Variants in SBF2 observed in about 807,000 individuals in gnomAD.
The protein encoded by SBF2 is SET binding factor 2.
In SBF2, 112 loss-of-function variants were observed where a neutral mutation model predicts 225.2. The observed-to-expected ratio is 0.50, with a 90% CI of 0.43 to 0.58. The LOEUF (loss-of-function observed/expected upper bound fraction) is 0.58, where lower values mean the gene tolerates loss of function less well. SBF2 is among the 20% of genes least tolerant of loss of function. SBF2 has a pLI of 0.00. For synonymous variants in SBF2, 763 were observed against 773.3 expected (o/e 0.99, Z 0.22); for missense variants, 1,996 against 2,206.2 (o/e 0.90, Z 1.91).
chr11:9,925,381 G>T (rs981388706), intron 16 of SBF2, among the ~76,000 whole-genome samples: 1 of 151,980 alleles, frequency 6.6e-6, no homozygotes, highest in African/African-American at 2.4e-5. Flanking sequence ...GGCTTCAAGC[G>T]ATTTTCCTGC....
At chr11:9,797,392 A>C (rs561440080) in intron 32 of SBF2, among the ~76,000 whole-genome samples, 11 of 152,330 alleles carry the variant, frequency 7.2e-5, no homozygotes, top group Admixed American at 7.2e-4. Flanking sequence ...TGTAAAATAA[A>C]ATGGATTTTA....
chr11:10,279,919 G>A (rs1045246801), intron 1 of SBF2, among the ~76,000 whole-genome samples: 2 of 151,870 alleles, frequency 1.3e-5, no homozygotes, highest in Admixed American at 1.3e-4. Flanking sequence ...AAAGTGCTGG[G>A]ATTACAGGCG....
intron 13 of SBF2, among the ~76,000 whole-genome samples, chr11:9,969,551 G>T (rs1436823910): frequency 6.6e-6 from 1 of 152,094 alleles, no homozygotes; most frequent in East Asian, 1.9e-4. Flanking sequence ...AGAACTTCTT[G>T]TTCCTGACTC....
intron 8 of SBF2, among the ~76,000 whole-genome samples, chr11:9,999,982 C>T (rs1460233766): frequency 7.9e-5 from 12 of 152,186 alleles, no homozygotes; most frequent in Non-Finnish European, 1.2e-4. Flanking sequence ...CCTAACTTTA[C>T]AGTGAAGAAT....
rs2134472414 is a variant in SBF2, at chr11:9,993,092, C to T, written c.1065G>A (p.Val355=). 6.2e-7 allele frequency: 1 copy of T among 1,608,996 alleles called. No homozygotes were observed. The highest frequency in any genetic ancestry group is 1.7e-4 in the Middle Eastern group (1 of 6,052). Residue 355 remains valine, a synonymous_variant, in exon 11 of 40, where the codon GTG becomes GTA. Coordinates refer to ENST00000256190, the MANE Select transcript of SBF2 (RefSeq NM_030962.4). ...CAAATAATCTAAGGAAAACGGCTCG[C>T]ACCTCTTTATCCTAAAAATATAAGA... is the stretch of plus-strand genomic sequence containing the variant. The part of the protein sequence containing the change: ...LSHSKMLDKE[V]RAVFLRLFAQ...
At chr11:10,055,074 G>A (rs1950203723) in intron 2 of SBF2, among the ~76,000 whole-genome samples, 1 of 151,904 alleles carries the variant, frequency 6.6e-6, no homozygotes, top group African/African-American at 2.4e-5. Context: ...GTTAATTTTC[G>A]TATTTTTAGT....
chr11:9,896,347 A>T (rs1331364449), intron 16 of SBF2, among the ~76,000 whole-genome samples: 5 of 151,662 alleles, frequency 3.3e-5, no homozygotes, highest in Admixed American at 3.3e-4. Flanking sequence ...ACTTACACAA[A>T]TTTTTTTTTG....
chr11:10,107,080 T>C (rs1952591684), intron 2 of SBF2, among the ~76,000 whole-genome samples: 1 of 152,204 alleles, frequency 6.6e-6, no homozygotes, highest in African/African-American at 2.4e-5. Context: ...ACAATATATT[T>C]GAAAAATACT....
chr11:10,108,515 CTTTTTTTTTT>C (rs34189666), intron 2 of SBF2, among the ~76,000 whole-genome samples: 4 of 83,482 alleles, frequency 4.8e-5, no homozygotes, highest in South Asian at 4.7e-4. Flanking sequence ...TAATAGTTAA[CTTTTTTTTTT>C]TTTTTTTTTT....
intron 16 of SBF2, among the ~76,000 whole-genome samples, chr11:9,901,484 G>A (rs753969232): frequency 7.9e-5 from 12 of 152,076 alleles, no homozygotes; most frequent in South Asian, 2.1e-4. Flanking sequence ...GGTCAGACAC[G>A]CCCCATTACG....
At chr11:10,232,374 T>G (rs1290973623) in intron 1 of SBF2, among the ~76,000 whole-genome samples, 1 of 152,116 alleles carries the variant, frequency 6.6e-6, no homozygotes, top group Non-Finnish European at 1.5e-5. Flanking sequence ...TGGAAATGCA[T>G]AAATCACCCA....
At chr11:9,782,031 C>T (rs1852040615) in intron 38 of SBF2, among the ~76,000 whole-genome samples, 1 of 151,820 alleles carries the variant, frequency 6.6e-6, no homozygotes. Context: ...CAAAAACATA[C>T]AAAAATCAGC....
At chr11:10,172,194 G>C (rs1182499043) in intron 2 of SBF2, among the ~76,000 whole-genome samples, 1 of 151,750 alleles carries the variant, frequency 6.6e-6, no homozygotes, top group Non-Finnish European at 1.5e-5. Context: ...GTTTGCTCTT[G>C]CCTTTCTAGT....
At position 9,813,875 on chromosome 11, in the gene SBF2, G is replaced by A. The variant is rs185018027; in HGVS notation, c.3979-1167C>T. Among the ~76,000 whole-genome samples the A allele has an allele frequency of 2.2e-4, 33 of 152,176 alleles. No individual in the cohort carries two copies. The East Asian group carries it at 6.2e-3, about 29-fold the overall frequency. ...GAGAATCACTTGAACCCCGGAGATG[G>A]AGGTTGCAGTGAGCTGAGATGACAC... On this transcript the variant is annotated intron_variant, in intron 29 of 39. Transcript: ENST00000256190.
intron 2 of SBF2, among the ~76,000 whole-genome samples, chr11:10,058,329 T>A (rs528007010): frequency 1.3e-5 from 2 of 152,332 alleles, no homozygotes; most frequent in South Asian, 4.1e-4. Context: ...CTAACAGGTC[T>A]GATAGAGCTG....
At chr11:10,172,089 T>C (rs1173207998) in intron 2 of SBF2, among the ~76,000 whole-genome samples, 1 of 152,110 alleles carries the variant, frequency 6.6e-6, no homozygotes. Flanking sequence ...AAACCAACTT[T>C]TTGTTTTGTT....
intron 16 of SBF2, among the ~76,000 whole-genome samples, chr11:9,945,703 G>A (rs1865521553): frequency 1.3e-5 from 2 of 152,032 alleles, no homozygotes; most frequent in African/African-American, 2.4e-5. Context: ...TCTGACAAAG[G>A]TCTAATATTG....
intron 28 of SBF2, chr11:9,828,177 C>A: frequency 7.8e-7 from 1 of 1,289,704 alleles, no homozygotes; most frequent in Non-Finnish European, 1.0e-6. Flanking sequence ...CCTGGCACTA[C>A]CTGCTTAAGC....
chr11:9,830,488 C>T (rs1367477970), intron 27 of SBF2, among the ~76,000 whole-genome samples: 1 of 151,968 alleles, frequency 6.6e-6, no homozygotes, highest in African/African-American at 2.4e-5. Context: ...GTCTGTAATC[C>T]CAGCACTTAG....
Sources: gnomAD v4.1 joint callset for allele counts (sites outside exome capture counted in the v4.1 genomes callset) on GRCh38, gnomAD v4.1.1 for gene constraint, MANE v1.5 for transcripts, NCBI Gene and HGNC (gene_info 2026-07-23, HGNC 2026-07-21) for gene names.